C1QTNF6: variants seen among roughly 807,000 people sequenced by gnomAD.
C1QTNF6 encodes the protein C1q and TNF related 6.
Under a neutral mutation model 20.7 loss-of-function variants are expected in C1QTNF6, and 17 were observed. That is an observed-to-expected ratio of 0.82 (90% CI 0.56 to 1.23). The LOEUF is 1.23. C1QTNF6 is among the 50% of genes most tolerant of loss of function. C1QTNF6 has a pLI of 0.00. For missense variants in C1QTNF6, 329 were observed against 389.7 expected (o/e 0.84, Z 1.31); for synonymous variants, 130 against 156.3 (o/e 0.83, Z 1.25).
chr22:37,190,081 G>A (rs1441624806), upstream of C1QTNF6, among the ~76,000 whole-genome samples: 2 of 152,196 alleles, frequency 1.3e-5, no homozygotes, highest in African/African-American at 4.8e-5. Context: ...TTCACAGAAA[G>A]AAGCAAGGTC....
intron 2 of C1QTNF6, among the ~76,000 whole-genome samples, chr22:37,194,142 A>G (rs963941823): frequency 3.3e-5 from 5 of 152,222 alleles, no homozygotes; most frequent in African/African-American, 1.2e-4. Flanking sequence ...GACGTAAAAA[A>G]AAAGACAAGA....
Position 37,184,557 on chromosome 22 carries a change from A to G in C1QTNF6, c.289+661T>C, listed in dbSNP as rs1924120846. The G allele has an allele frequency of 1.4e-6, 1 of 692,306 alleles. No homozygotes were observed. The highest frequency in any genetic ancestry group is 1.8e-5 in the African/African-American group (1 of 56,906). The allele number at this position is 692,306 out of a possible 1,614,324, so 42.9% of individuals were successfully genotyped here. A position where few individuals can be genotyped will look rare whatever the true frequency, so the allele number is the denominator to read the frequency against. The stretch of plus-strand genomic sequence containing the variant: ...GACAGCCCTCACCTGGATGGCCCTC[A>G]CCTGGACAGGCCCCACAGGGCTGCA... On this transcript the variant is annotated intron_variant, in intron 2 of 2. Transcript: ENST00000337843. This position sits in a 1 kb window ranked among gnomAD's most constrained non-coding sequence, Gnocchi z 4.0.
intron 2 of C1QTNF6, among the ~76,000 whole-genome samples, chr22:37,193,348 A>C (rs1341606171): frequency 6.6e-6 from 1 of 152,234 alleles, no homozygotes; most frequent in Non-Finnish European, 1.5e-5. Context: ...GGTTTCTCCC[A>C]AAACAGGGTC....
In C1QTNF6 at chr22:37,184,325, G is replaced by C; in HGVS notation, c.289+893C>G. ...CCCATCTGCAAAGTGGGAGGAATAA[G>C]AAAATATCGACCTCACGGGCTGTTG... On this transcript the variant is annotated intron_variant, in intron 2 of 2. Transcript: ENST00000337843. This position sits in a 1 kb window ranked among gnomAD's most constrained non-coding sequence, Gnocchi z 4.0. The C allele has an allele frequency of 1.4e-6, 1 of 716,144 alleles. No individual in the cohort carries two copies. Among genetic ancestry groups the C allele is most frequent in the South Asian group, 1.5e-5 (1 of 67,576 alleles). 44.4% of individuals were successfully genotyped at this position (716,144 alleles called of 1,614,324 possible).
intron 2 of C1QTNF6, among the ~76,000 whole-genome samples, chr22:37,194,560 G>A (rs1481022395): frequency 6.6e-6 from 1 of 152,118 alleles, no homozygotes; most frequent in African/African-American, 2.4e-5. Flanking sequence ...TTGCTATGGG[G>A]GCCAAGACAC....
chr22:37,187,427 T>A (rs1924451884), intron 1 of C1QTNF6, among the ~76,000 whole-genome samples: 1 of 152,198 alleles, frequency 6.6e-6, no homozygotes, highest in African/African-American at 2.4e-5. Flanking sequence ...CAGAATAGTT[T>A]GCAAGCTGTG....
In C1QTNF6 at chr22:37,184,951, G is replaced by A. The variant is rs949418370; in HGVS notation, c.289+267C>T. ...ATTTCCCAGAGCACTGATCACCATCGAACATTCCACTCCACTAACTTAGGT... is the reference window on the plus strand; with the variant it reads ...ATTTCCCAGAGCACTGATCACCATCAAACATTCCACTCCACTAACTTAGGT... On this transcript the variant is annotated intron_variant, in intron 2 of 2. Transcript: ENST00000337843. This position sits in a 1 kb window ranked among gnomAD's most constrained non-coding sequence, Gnocchi z 4.0. 2.6e-5 allele frequency among the ~76,000 whole-genome samples: 4 copies of A among 151,890 alleles called. No homozygotes were observed. The highest frequency in any genetic ancestry group is 9.7e-5 in the African/African-American group (4 of 41,330).
Position 37,184,684 on chromosome 22 carries a change from CCT to C in C1QTNF6, c.289+532_289+533del, listed in dbSNP as rs1298950406. ...AGTCCCTGTCCCACCCAAACCTGCC[CCT>C]GTTCCCACTCCACTCAGCGGAGCCC... On this transcript the variant is annotated intron_variant, in intron 2 of 2. Coordinates refer to ENST00000337843, the MANE Select transcript of C1QTNF6 (RefSeq NM_031910.4). This position sits in a 1 kb window ranked among gnomAD's most constrained non-coding sequence, Gnocchi z 4.0. Among the ~76,000 whole-genome samples the C allele has an allele frequency of 2.0e-5, 3 of 152,268 alleles. No homozygotes were observed. Among genetic ancestry groups the C allele is most frequent in the Non-Finnish European group, 2.9e-5 (2 of 68,006 alleles).
chr22:37,184,559 C>T lies in C1QTNF6; in HGVS notation c.289+659G>A. On this transcript the variant is annotated intron_variant, in intron 2 of 2. Transcript: ENST00000337843. This position sits in a 1 kb window ranked among gnomAD's most constrained non-coding sequence, Gnocchi z 4.0. ...CAGCCCTCACCTGGATGGCCCTCAC[C>T]TGGACAGGCCCCACAGGGCTGCATG... 1.4e-6 allele frequency: 1 copy of T among 690,704 alleles called. No individual in the cohort carries two copies. Among genetic ancestry groups the T allele is most frequent in the Non-Finnish European group, 2.7e-6 (1 of 373,148 alleles). 42.8% of individuals were successfully genotyped at this position (690,704 alleles called of 1,614,324 possible).
chr22:37,182,996 T>C, intron 2 of C1QTNF6: 3 of 1,297,440 alleles, frequency 2.3e-6, no homozygotes, highest in Non-Finnish European at 3.0e-6. Context: ...GGACTTAAAA[T>C]ATGGTCTGTC....
intron 1 of C1QTNF6, among the ~76,000 whole-genome samples, 191 bp downstream of exon 1, chr22:37,187,972 A>G (rs1682341347): frequency 6.6e-6 from 1 of 152,090 alleles, no homozygotes; most frequent in Non-Finnish European, 1.5e-5. Context: ...AGGGGCGGGC[A>G]CAAACCGGGA....
chr22:37,198,545 T>C (rs1303177345), upstream of C1QTNF6, among the ~76,000 whole-genome samples: 1 of 152,224 alleles, frequency 6.6e-6, no homozygotes, highest in Non-Finnish European at 1.5e-5. Context: ...ACATGATTCC[T>C]GGCGTCCGCT....
chr22:37,188,050 C>T, intron 1 of C1QTNF6, 113 bp downstream of exon 1: 1 of 1,131,514 alleles, frequency 8.8e-7, no homozygotes, highest in Non-Finnish European at 1.3e-6. Context: ...AGAGGCTGTC[C>T]CAGTCAGAGG....
intron 2 of C1QTNF6, chr22:37,183,020 G>T: frequency 1.2e-6 from 1 of 810,990 alleles, no homozygotes; most frequent in Non-Finnish European, 1.5e-6. Context: ...AGGGTGACTT[G>T]ACTTCCCCTC....
Position 37,181,924 on chromosome 22 carries a change from T to C in C1QTNF6, c.*264A>G. 1 of 484,296 alleles carries C rather than the reference T, an allele frequency of 2.1e-6. No homozygotes were observed. Among genetic ancestry groups the C allele is most frequent in the South Asian group, 2.9e-5 (1 of 34,174 alleles). The allele number at this position is 484,296 out of a possible 1,614,324, so 30.0% of individuals were successfully genotyped here. A position where few individuals can be genotyped will look rare whatever the true frequency, so the allele number is the denominator to read the frequency against. On this transcript the variant is annotated 3_prime_UTR_variant, in exon 3 of 3. Transcript: ENST00000337843. ...CGGGTGATTCGCATGCATTTCCAAG[T>C]TTGAGAAGTGCTGGGCTACGAGGCT...
chr22:37,181,533 C>T lies in C1QTNF6; in HGVS notation c.*655G>A, dbSNP rs545966839. On this transcript the variant is annotated 3_prime_UTR_variant, in exon 3 of 3. Coordinates refer to ENST00000337843, the MANE Select transcript of C1QTNF6 (RefSeq NM_031910.4). ...TGAAACCCCATCTCTACTAAAAATACAAAAATTAGCCAGGCATGGTAGCAG... is the reference window on the plus strand; with the variant it reads ...TGAAACCCCATCTCTACTAAAAATATAAAAATTAGCCAGGCATGGTAGCAG... The T allele has an allele frequency of 1.3e-5, 2 of 152,238 alleles. No homozygotes were observed. The highest frequency in any genetic ancestry group is 2.1e-4 in the South Asian group (1 of 4,824). 9.4% of individuals were successfully genotyped at this position (152,238 alleles called of 1,614,324 possible).
At position 37,188,240 on chromosome 22, in the gene C1QTNF6, G is replaced by GC; in HGVS notation, c.-28dup. Reference sequence around the variant, plus strand: ...GCCTCTGGCTCCTTGGCCCATGTCTGCAATACTAACTTGTTGCTGGCCCAG... The same window carrying GC: ...GCCTCTGGCTCCTTGGCCCATGTCTGCCAATACTAACTTGTTGCTGGCCCAG... On this transcript the variant is annotated 5_prime_UTR_variant, in exon 1 of 3. Coordinates refer to ENST00000337843, the MANE Select transcript of C1QTNF6 (RefSeq NM_031910.4). The GC allele has an allele frequency of 6.3e-7, 1 of 1,579,766 alleles. No homozygotes were observed. Among genetic ancestry groups the GC allele is most frequent in the East Asian group, 2.6e-5 (1 of 38,366 alleles).
chr22:37,184,282 C>T lies in C1QTNF6; in HGVS notation c.289+936G>A. ...GCTCCATCCCTGACAGCTGTGTGGC[C>T]CCAGGAGACTGGGTTTCCCCATCTG... On this transcript the variant is annotated intron_variant, in intron 2 of 2. Coordinates refer to ENST00000337843, the MANE Select transcript of C1QTNF6 (RefSeq NM_031910.4). The surrounding 1 kb of genome is among the most constrained non-coding windows in gnomAD (Gnocchi z 4.0). The T allele has an allele frequency of 2.8e-6, 2 of 704,806 alleles. No homozygotes were observed. Among genetic ancestry groups the T allele is most frequent in the South Asian group, 1.5e-5 (1 of 66,034 alleles). The allele number at this position is 704,806 out of a possible 1,614,324, so 43.7% of individuals were successfully genotyped here.
intron 1 of C1QTNF6, among the ~76,000 whole-genome samples, chr22:37,186,497 G>C (rs1308663764): frequency 6.6e-6 from 1 of 152,230 alleles, no homozygotes; most frequent in Non-Finnish European, 1.5e-5. Context: ...TAAGGGGTAG[G>C]ACTAGGAGGT....
Sources: allele counts gnomAD v4.1 joint callset (sites outside exome capture counted in the v4.1 genomes callset), GRCh38; gene constraint gnomAD v4.1.1; non-coding constraint Gnocchi (gnomAD v3.1); transcripts MANE v1.5; gene names NCBI Gene and HGNC (gene_info 2026-07-23, HGNC 2026-07-21).